The following PCARE variants were observed in gnomAD, a reference collection of about 807,000 sequenced individuals.
PCARE encodes uncharacterized protein C2orf71.
A neutral mutation model predicts 82.2 loss-of-function variants in PCARE; 72 were observed. The ratio of observed to expected loss-of-function variants is 0.88; its 90% CI spans 0.72 to 1.07. The LOEUF (loss-of-function observed/expected upper bound fraction) is 1.07, where lower values mean the gene tolerates loss of function less well. Among genes scored for constraint, PCARE ranks in the 50% least tolerant of loss-of-function variants. PCARE has a pLI of 0.00. For missense variants in PCARE, 1,768 were observed against 1,592.4 expected, an observed-to-expected ratio of 1.11 and a Z score of -1.88; for synonymous variants, 705 against 634.8, an observed-to-expected ratio of 1.11 and a Z score of -1.66.
chr2:29,071,244 G>A lies in PCARE; in HGVS notation c.3018C>T (p.Asp1006=), dbSNP rs1362274841. Residue 1006 remains aspartate (D), a synonymous_variant, in exon 1 of 2, where the codon GAC becomes GAT. Coordinates refer to ENST00000331664, the MANE Select transcript of PCARE (RefSeq NM_001029883.3). ...AGGAGGGAAGGCTCCGGCGCCTCTTGTCTGCTTGAGGCACCCAGTGTGTCC... is the reference window on the plus strand; with the variant it reads ...AGGAGGGAAGGCTCCGGCGCCTCTTATCTGCTTGAGGCACCCAGTGTGTCC... ...PTRTHWVPQA[D]KRRRSLPSSY... is the part of the protein sequence containing the mutation. The A allele has an allele frequency of 1.9e-6, 3 of 1,612,780 alleles. No individual in the cohort carries two copies. The highest frequency in any genetic ancestry group is 2.5e-6 in the Non-Finnish European group (3 of 1,179,478).
At chr2:29,065,088 T>C in intron 1 of PCARE, 21 bp from the exon 2 acceptor site, 1 of 1,548,056 alleles carries the variant, frequency 6.5e-7, no homozygotes, top group Non-Finnish European at 8.7e-7. Flanking sequence ...AAAGGACAAG[T>C]GCAGGTCAGA....
rs1285600881 is a variant in PCARE, at chr2:29,072,401, G to A, written c.1861C>T (p.Gln621Ter). The change falls in exon 1 of 2, where the codon CAG becomes TAG. Residue 621 changes from glutamine to a stop codon, truncating the protein, a stop_gained. Coordinates refer to ENST00000331664, the MANE Select transcript of PCARE (RefSeq NM_001029883.3). LOFTEE classifies it high-confidence loss of function. ...AGGGCATAAAATGCCTCCAGCTTCT[G>A]ACTGAGGTCCCTCTGGACCCTTCGC... The part of the protein sequence containing the change: ...ELRRVQRDLS[Q>*]KLEAFYALGA... 1 of 1,614,182 alleles carries A rather than the reference G, an allele frequency of 6.2e-7. No individual in the cohort carries two copies. Among genetic ancestry groups the A allele is most frequent in the East Asian group, 2.2e-5 (1 of 44,858 alleles).
In PCARE at chr2:29,063,804, T is replaced by C. The variant is rs17007529; in HGVS notation, c.*1065A>G. 48,571 of 152,394 alleles carry C rather than the reference T, an allele frequency of 0.32. 8,438 individuals are homozygous for C. The highest frequency in any genetic ancestry group is 0.51 in the East Asian group (2,624 of 5,176). The allele number at this position is 152,394 out of a possible 1,614,324, so 9.4% of individuals were successfully genotyped here. ...CAGGTTTTTGGCATGAACAACTGTT[T>C]TTCACTTTGATTTCGACTCCAGCAG... is the stretch of plus-strand genomic sequence containing the variant. On this transcript the variant is annotated 3_prime_UTR_variant, in exon 2 of 2. Coordinates refer to ENST00000331664, the MANE Select transcript of PCARE (RefSeq NM_001029883.3).
At position 29,061,721 on chromosome 2, in the gene PCARE, A is replaced by T. The variant is rs1319073814; in HGVS notation, c.*3148T>A. 1 of 152,240 alleles carries T rather than the reference A, an allele frequency of 6.6e-6. No homozygotes were observed. Among genetic ancestry groups the T allele is most frequent in the Non-Finnish European group, 1.5e-5 (1 of 68,036 alleles). The allele number at this position is 152,240 out of a possible 1,614,324, so 9.4% of individuals were successfully genotyped here. ...TGGGTTCATTGGCTTAATAATTTTT[A>T]TTAAAACAAAAAGCAGAACAAAGAA... On this transcript the variant is annotated 3_prime_UTR_variant, in exon 2 of 2. Coordinates refer to ENST00000331664, the MANE Select transcript of PCARE (RefSeq NM_001029883.3).
At position 29,072,394 on chromosome 2, in the gene PCARE, A is replaced by G. The variant is rs746690389; in HGVS notation, c.1868T>C (p.Leu623Pro). 12 of 1,614,058 alleles carry G rather than the reference A, an allele frequency of 7.4e-6. No individual in the cohort carries two copies. The African/African-American group carries it at 1.6e-4, about 22-fold the overall frequency. The change falls in exon 1 of 2, where the codon CTG (leucine) becomes CCG (proline). Residue 623 changes from leucine to proline, a missense_variant. Coordinates refer to ENST00000331664, the MANE Select transcript of PCARE (RefSeq NM_001029883.3). ...RRVQRDLSQK[L>P]EAFYALGAKG... ...GGCACCCAGGGCATAAAATGCCTCC[A>G]GCTTCTGACTGAGGTCCCTCTGGAC...
In PCARE at chr2:29,062,039, TG is replaced by T. The variant is rs537165490; in HGVS notation, c.*2829del. 1 of 152,232 alleles carries T rather than the reference TG, an allele frequency of 6.6e-6. No homozygotes were observed. Among genetic ancestry groups the T allele is most frequent in the Non-Finnish European group, 1.5e-5 (1 of 68,046 alleles). The allele number at this position is 152,232 out of a possible 1,614,324, so 9.4% of individuals were successfully genotyped here. A position where few individuals can be genotyped will look rare whatever the true frequency, so the allele number is the denominator to read the frequency against. ...TGTAATTTGAGCTAAGTCTGGTAGT[TG>T]GTATGGTAGCCAAAAACACATCTTT... On this transcript the variant is annotated 3_prime_UTR_variant, in exon 2 of 2. Coordinates refer to ENST00000331664, the MANE Select transcript of PCARE (RefSeq NM_001029883.3).
chr2:29,068,189 T>A (rs1353145956), intron 1 of PCARE, among the ~76,000 whole-genome samples: 6 of 152,228 alleles, frequency 3.9e-5, no homozygotes, highest in Non-Finnish European at 8.8e-5. Context: ...TGTAGGAAGC[T>A]CATTTTAGAT....
rs1167271382 is a variant in PCARE at position 29,074,077 on chromosome 2, G to C, written c.185C>G (p.Pro62Arg). ...DAGEGLAEEQ[P>R]SPRRNQTTAK... ...TGTGGTTTGGTTCCTCCTGGGACTTGGCTGCTCCTCTGCCAGGCCCTCCCC... is the reference window on the plus strand; with the variant it reads ...TGTGGTTTGGTTCCTCCTGGGACTTCGCTGCTCCTCTGCCAGGCCCTCCCC... Residue 62 changes from proline (P) to arginine (R), a missense_variant, in exon 1 of 2, where the codon CCA (proline) becomes CGA (arginine). By Grantham distance (103) the Pro-to-Arg change is moderately radical. Transcript: ENST00000331664. 4 of 1,614,102 alleles carry C rather than the reference G, an allele frequency of 2.5e-6. No homozygotes were observed. The highest frequency in any genetic ancestry group is 2.5e-6 in the Non-Finnish European group (3 of 1,180,052).
In PCARE at chr2:29,073,648, A is replaced by C. The variant is rs759923248; in HGVS notation, c.614T>G (p.Ile205Ser). 2.5e-6 allele frequency: 4 copies of C among 1,614,150 alleles called. No individual in the cohort carries two copies. In the Admixed American group the frequency reaches 5.0e-5, roughly 20 times the overall value. ...LSKYEAILCI[I>S]HQATQTRELL... ...CTCCCGGGTCTGGGTGGCCTGATGG[A>C]TGATGCACAGAATTGCTTCATATTT... Residue 205 changes from isoleucine to serine, a missense_variant, in exon 1 of 2, where the codon ATC (isoleucine) becomes AGC (serine). By Grantham distance (142) the Ile-to-Ser change is moderately radical. Transcript: ENST00000331664.
In PCARE at chr2:29,062,275, A is replaced by C. The variant is rs991182222; in HGVS notation, c.*2594T>G. 1 of 152,218 alleles carries C rather than the reference A, an allele frequency of 6.6e-6. No homozygotes were observed. The highest frequency in any genetic ancestry group is 2.4e-5 in the African/African-American group (1 of 41,416). The allele number at this position is 152,218 out of a possible 1,614,324, so 9.4% of individuals were successfully genotyped here. A position where few individuals can be genotyped will look rare whatever the true frequency, so the allele number is the denominator to read the frequency against. On this transcript the variant is annotated 3_prime_UTR_variant, in exon 2 of 2. Coordinates refer to ENST00000331664, the MANE Select transcript of PCARE (RefSeq NM_001029883.3). ...GGTCTGGTGGCAGCTGGGGGCTTTT[A>C]TGACATCGTGTGTGGGGACCTATGG...
At position 29,073,794 on chromosome 2, in the gene PCARE, T is replaced by G; in HGVS notation, c.468A>C (p.Thr156=). The G allele has an allele frequency of 6.2e-7, 1 of 1,614,224 alleles. No homozygotes were observed. The highest frequency in any genetic ancestry group is 8.5e-7 in the Non-Finnish European group (1 of 1,180,044). The change falls in exon 1 of 2, where the codon ACA becomes ACC. Residue 156 remains threonine (T), a synonymous_variant. Coordinates refer to ENST00000331664, the MANE Select transcript of PCARE (RefSeq NM_001029883.3). Reference sequence around the variant, plus strand: ...GGATGGTTTGGTAGCAGTGGCTCTGTGTGCTTGACGTGTGACATTTTGCTG... The same window carrying G: ...GGATGGTTTGGTAGCAGTGGCTCTGGGTGCTTGACGTGTGACATTTTGCTG... The part of the protein sequence containing the change: ...KRTAKCHTSS[T]QSHCYQTIHP...
At position 29,074,488 on chromosome 2, in the gene PCARE, G is replaced by A. The variant is rs17007549; in HGVS notation, c.-227C>T. Among the ~76,000 whole-genome samples the A allele has an allele frequency of 0.071, 10,765 of 152,180 alleles. 580 individuals are homozygous for A. Among genetic ancestry groups the A allele is most frequent in the East Asian group, 0.26 (1,343 of 5,166 alleles). On this transcript the variant is annotated 5_prime_UTR_variant, in exon 1 of 2. Coordinates refer to ENST00000331664, the MANE Select transcript of PCARE (RefSeq NM_001029883.3). ...TCGTCCTGTTGTTGTTCTAAGTTTG[G>A]AACCCTCTGCTGTTAGTGAGCAGCG...
chr2:29,068,679 G>C (rs1332810596), intron 1 of PCARE, among the ~76,000 whole-genome samples: 2 of 152,168 alleles, frequency 1.3e-5, no homozygotes, highest in Non-Finnish European at 2.9e-5. Context: ...CTGCATGCCT[G>C]GGCCTGTCTG....
Position 29,074,296 on chromosome 2 carries a change from A to G in PCARE, c.-35T>C. Reference sequence around the variant, plus strand: ...TTGTAGTCATCTTCCACCCACCTTCACAATTTTCCAAGAATCATATTTGAA... The same window carrying G: ...TTGTAGTCATCTTCCACCCACCTTCGCAATTTTCCAAGAATCATATTTGAA... On this transcript the variant is annotated 5_prime_UTR_variant, in exon 1 of 2. The change abolishes the stop of an existing upstream ORF in the 5' untranslated region. Transcript: ENST00000331664. 6.6e-7 allele frequency: 1 copy of G among 1,514,200 alleles called. No homozygotes were observed. The highest frequency in any genetic ancestry group is 1.4e-5 in the African/African-American group (1 of 71,758). 93.8% of individuals were successfully genotyped at this position (1,514,200 alleles called of 1,614,324 possible).
chr2:29,074,367 G>T lies in PCARE; in HGVS notation c.-106C>A. 8.0e-7 allele frequency: 1 copy of T among 1,254,512 alleles called. No homozygotes were observed. Among genetic ancestry groups the T allele is most frequent in the Non-Finnish European group, 1.1e-6 (1 of 919,220 alleles). 77.7% of individuals were successfully genotyped at this position (1,254,512 alleles called of 1,614,324 possible). On this transcript the variant is annotated 5_prime_UTR_variant, in exon 1 of 2. The change creates a new upstream start codon in the 5' untranslated region. Coordinates refer to ENST00000331664, the MANE Select transcript of PCARE (RefSeq NM_001029883.3). ...TACTAGTCCATCCAGGCAATTTTCA[G>T]GCCAGAATTCTTTGAAGTCCATGGT...
At position 29,073,200 on chromosome 2, in the gene PCARE, A is replaced by G; in HGVS notation, c.1062T>C (p.Ala354=). 9 of 1,614,134 alleles carry G rather than the reference A, an allele frequency of 5.6e-6. No individual in the cohort carries two copies. The highest frequency in any genetic ancestry group is 7.6e-6 in the Non-Finnish European group (9 of 1,180,022). Residue 354 remains alanine, a synonymous_variant, in exon 1 of 2, where the codon GCT becomes GCC. Coordinates refer to ENST00000331664, the MANE Select transcript of PCARE (RefSeq NM_001029883.3). ...CCACCGACTGCACGGACTCATTGTC[A>G]GCACCAATGCCACTGTCCTCAGAGC... ...PLCSEDSGIG[A]DNESVQSVDK...
chr2:29,071,351 T>C lies in PCARE; in HGVS notation c.2911A>G (p.Arg971Gly), dbSNP rs780099739. Residue 971 changes from arginine (R) to glycine (G), a missense_variant, in exon 1 of 2, where the codon AGG becomes GGG. By Grantham distance (125) the Arg-to-Gly change is moderately radical. Coordinates refer to ENST00000331664, the MANE Select transcript of PCARE (RefSeq NM_001029883.3). ...CTGGCCAGGCTGGACTCTGAGGTCC[T>C]GTTTTGTCCAGATGGAGGGCCGGAG... ...HHSGPPSGQN[R>G]TSESSLARPR... The C allele has an allele frequency of 1.2e-6, 2 of 1,613,708 alleles. No homozygotes were observed. Among genetic ancestry groups the C allele is most frequent in the Non-Finnish European group, 1.7e-6 (2 of 1,179,918 alleles).
At chr2:29,066,147 T>C (rs911068090) in intron 1 of PCARE, among the ~76,000 whole-genome samples, 6 of 152,150 alleles carry the variant, frequency 3.9e-5, no homozygotes, top group African/African-American at 1.4e-4. Context: ...AAACTCTGTC[T>C]TAAAATAAAA....
rs886055921 is a variant in PCARE, at chr2:29,071,975, T to C, written c.2287A>G (p.Ile763Val). Residue 763 changes from isoleucine to valine, a missense_variant, in exon 1 of 2, where the codon ATC becomes GTC. Coordinates refer to ENST00000331664, the MANE Select transcript of PCARE (RefSeq NM_001029883.3). ...TACTTGGGAAATCTGGGGGGCATGATGCAATTCCTGAGGCAGGGACTTGCC... is the reference window on the plus strand; with the variant it reads ...TACTTGGGAAATCTGGGGGGCATGACGCAATTCCTGAGGCAGGGACTTGCC... ...AGASPCLRNC[I>V]MPPRFPKYTG... is the part of the protein sequence containing the mutation. The C allele has an allele frequency of 1.9e-6, 3 of 1,613,868 alleles. No individual in the cohort carries two copies. In the East Asian group the frequency reaches 6.7e-5, roughly 36 times the overall value.
Sources: allele counts gnomAD v4.1 joint callset (sites outside exome capture counted in the v4.1 genomes callset), GRCh38; gene constraint gnomAD v4.1.1; transcripts MANE v1.5; gene names NCBI Gene and HGNC (gene_info 2026-07-23, HGNC 2026-07-21).